Variants in TFDP1 observed in about 807,000 individuals in gnomAD.
The protein encoded by TFDP1 is transcription factor Dp-1, also known as DRTF1-polypeptide 1.
In TFDP1, 6 loss-of-function variants were observed where a neutral mutation model predicts 48.0. The ratio of observed to expected loss-of-function variants is 0.13; its 90% CI spans 0.07 to 0.25. The LOEUF is 0.25. Ranked by LOEUF, TFDP1 falls within the 10% of genes least tolerant of loss-of-function variation. TFDP1 has a pLI of 1.00. For synonymous variants in TFDP1, 201 were observed against 211.6 expected (o/e 0.95, Z 0.44); for missense variants, 335 against 543.0 (o/e 0.62, Z 3.81).
chr13:113,585,048 C>T (rs1329042524), intron 1 of TFDP1, among the ~76,000 whole-genome samples, 160 bp downstream of exon 1: 3 of 146,904 alleles, frequency 2.0e-5, no homozygotes, highest in South Asian at 4.1e-4. Flanking sequence ...CTCGGGGACC[C>T]CGCGCGCTCG....
At chr13:113,614,256 G>T (rs906015322) in intron 3 of TFDP1, among the ~76,000 whole-genome samples, 1 of 149,138 alleles carries the variant, frequency 6.7e-6, no homozygotes. Context: ...AGTTCTGATT[G>T]TGCGTGTGTG....
intron 7 of TFDP1, 193 bp downstream of exon 7, chr13:113,634,226 C>A (rs1437503946): frequency 1.3e-6 from 1 of 784,092 alleles, no homozygotes. Flanking sequence ...TGGCCCAGAC[C>A]CACTAGAGTC....
intron 2 of TFDP1, 23 bp from the exon 3 acceptor site, chr13:113,610,973 T>G: frequency 6.2e-7 from 1 of 1,611,704 alleles, no homozygotes; most frequent in Non-Finnish European, 8.5e-7. Flanking sequence ...TCATATTTAT[T>G]ATTGTTTTGT....
chr13:113,633,767 G>A lies in TFDP1; in HGVS notation c.475-123G>A. 1 of 1,187,404 alleles carries A rather than the reference G, an allele frequency of 8.4e-7. No homozygotes were observed. The highest frequency in any genetic ancestry group is 1.5e-5 in the South Asian group (1 of 68,196). The allele number at this position is 1,187,404 out of a possible 1,614,324, so 73.6% of individuals were successfully genotyped here. A position where few individuals can be genotyped will look rare whatever the true frequency, so the allele number is the denominator to read the frequency against. The stretch of plus-strand genomic sequence containing the variant: ...CTGTGGGGTGGGAGCGCTCCCTGAG[G>A]GCATGTTGGGGTGGCGGCTCCGTGA... On this transcript the variant is annotated intron_variant, in intron 6 of 11. Coordinates refer to ENST00000375370, the MANE Select transcript of TFDP1 (RefSeq NM_007111.5). This position sits in a 1 kb window ranked among gnomAD's most constrained non-coding sequence, Gnocchi z 4.5.
At chr13:113,617,825 A>G (rs371232948) in intron 3 of TFDP1, among the ~76,000 whole-genome samples, 2 of 152,260 alleles carry the variant, frequency 1.3e-5, no homozygotes. Context: ...AAAATACAAA[A>G]CTGTATGGTT....
intron 4 of TFDP1, among the ~76,000 whole-genome samples, chr13:113,624,108 C>T (rs1285894840): frequency 6.6e-6 from 1 of 152,106 alleles, no homozygotes; most frequent in Non-Finnish European, 1.5e-5. Flanking sequence ...GATGCTGTGG[C>T]CCCGCCTGGG....
rs1309533403 is a variant in TFDP1 at position 113,594,123 on chromosome 13, C to T, written c.12+8274C>T. Among the ~76,000 whole-genome samples, 20 of 130,354 alleles carry T rather than the reference C, an allele frequency of 1.5e-4. No individual in the cohort carries two copies. In the East Asian group the frequency reaches 3.5e-3, roughly 23 times the overall value. 85.5% of individuals were successfully genotyped at this position (130,354 alleles called of 152,430 possible). A position where few individuals can be genotyped will look rare whatever the true frequency, so the allele number is the denominator to read the frequency against. ...TGGTGTACGTGGGTCCTCAGCCCTG[C>T]CCAGGTGATAGGTGTGGTGTGCGCG... On this transcript the variant is annotated intron_variant, in intron 2 of 11. Transcript: ENST00000375370.
chr13:113,640,151 G>A lies in TFDP1; in HGVS notation c.1117G>A (p.Ala373Thr), dbSNP rs372494238. ...DLTNGADGML[A>T]TSSNGSQYSG... ...GACCAACGGTGCAGATGGGATGCTG[G>A]CCACAAGCTCCAATGGGTCTCAGTA... The change falls in exon 12 of 12, where the codon GCC becomes ACC. Residue 373 changes from alanine to threonine, a missense_variant. Around this residue, in one of 3 missense-constraint regions of TFDP1, gnomAD observed 204 missense variants for 287.1 expected, o/e 0.71. Coordinates refer to ENST00000375370, the MANE Select transcript of TFDP1 (RefSeq NM_007111.5). 6.2e-7 allele frequency: 1 copy of A among 1,611,598 alleles called. No homozygotes were observed. The highest frequency in any genetic ancestry group is 1.3e-5 in the African/African-American group (1 of 74,766).
chr13:113,596,047 A>G (rs1232676112), intron 2 of TFDP1, among the ~76,000 whole-genome samples: 2 of 152,038 alleles, frequency 1.3e-5, no homozygotes, highest in Non-Finnish European at 2.9e-5. Context: ...GCGCCGCTGC[A>G]CTCCCGCCTG....
At chr13:113,636,787 T>G in intron 10 of TFDP1, 87 bp downstream of exon 10, 1 of 1,467,132 alleles carries the variant, frequency 6.8e-7, no homozygotes, top group Admixed American at 2.2e-5. Flanking sequence ...GCTCGGGATG[T>G]GTCTTGCTGA....
At position 113,635,093 on chromosome 13, in the gene TFDP1, CAG is replaced by C. The variant is rs544939458; in HGVS notation, c.687+492_687+493del. ...AAGGCCTGTAAAACTGTGGTGGACA[CAG>C]TGCACCTGGGTCTTGACAGTGCTGA... On this transcript the variant is annotated intron_variant, in intron 8 of 11. Transcript: ENST00000375370. 1.8e-3 allele frequency among the ~76,000 whole-genome samples: 274 copies of C among 152,360 alleles called. 1 individual carries two copies. The highest frequency in any genetic ancestry group is 6.3e-3 in the African/African-American group (262 of 41,584).
At chr13:113,601,873 G>A (rs538302938) in intron 2 of TFDP1, among the ~76,000 whole-genome samples, 9 of 150,734 alleles carry the variant, frequency 6.0e-5, no homozygotes, top group South Asian at 2.1e-4. Flanking sequence ...AGGGAGGAGC[G>A]GAGAGAGCTA....
chr13:113,631,648 C>A lies in TFDP1; in HGVS notation c.212C>A (p.Ala71Glu), dbSNP rs761311757. 5.6e-6 allele frequency: 9 copies of A among 1,614,110 alleles called. No homozygotes were observed. Among genetic ancestry groups the A allele is most frequent in the Non-Finnish European group, 7.6e-6 (9 of 1,179,988 alleles). Reference sequence around the variant, plus strand: ...GTAATTGGTACGCCTCAGAGACCGGCAGCGTCAAACACCCTGGTGGTAGGA... The same window carrying A: ...GTAATTGGTACGCCTCAGAGACCGGAAGCGTCAAACACCCTGGTGGTAGGA... Reference protein sequence around the residue: ...QVVIGTPQRPAASNTLVVGSP... With the variant: ...QVVIGTPQRPEASNTLVVGSP... Residue 71 changes from alanine (A) to glutamate (E), a missense_variant, in exon 5 of 12, where the codon GCA becomes GAA. Ala to Glu is a moderately radical substitution (Grantham distance 107). Around this residue, in one of 3 missense-constraint regions of TFDP1, gnomAD observed 103 missense variants for 140.4 expected, o/e 0.73. Coordinates refer to ENST00000375370, the MANE Select transcript of TFDP1 (RefSeq NM_007111.5).
chr13:113,616,675 A>G lies in TFDP1; in HGVS notation c.79+5613A>G, dbSNP rs74116262. Among the ~76,000 whole-genome samples, 308 of 152,272 alleles carry G rather than the reference A, an allele frequency of 2.0e-3. 2 individuals are homozygous for G. Among genetic ancestry groups the G allele is most frequent in the African/African-American group, 7.1e-3 (294 of 41,550 alleles). Reference sequence around the variant, plus strand: ...TCTAAGTGGAGGAGGAAATTTAGCAATGATGTGTGGTCAGAAGCTTAGTGT... The same window carrying G: ...TCTAAGTGGAGGAGGAAATTTAGCAGTGATGTGTGGTCAGAAGCTTAGTGT... On this transcript the variant is annotated intron_variant, in intron 3 of 11. Transcript: ENST00000375370.
chr13:113,592,007 C>A lies in TFDP1; in HGVS notation c.12+6158C>A, dbSNP rs4150696. ...TGAGATTCCCGCAGCATCCCGACTC[C>A]GCTTCAGGGCTCCTGTGAGGACAGG... On this transcript the variant is annotated intron_variant, in intron 2 of 11. Coordinates refer to ENST00000375370, the MANE Select transcript of TFDP1 (RefSeq NM_007111.5). Among the ~76,000 whole-genome samples, 604 of 152,342 alleles carry A rather than the reference C, an allele frequency of 4.0e-3. 7 individuals carry two copies. The highest frequency in any genetic ancestry group is 0.014 in the African/African-American group (567 of 41,570).
intron 4 of TFDP1, among the ~76,000 whole-genome samples, chr13:113,630,570 CTTT>C (rs2049309068): frequency 6.6e-6 from 1 of 152,198 alleles, no homozygotes; most frequent in Admixed American, 6.5e-5. Context: ...GCTCCAATCC[CTTT>C]AACGGAAACT....
chr13:113,595,306 T>G (rs1289779679), intron 2 of TFDP1, among the ~76,000 whole-genome samples: 1 of 152,202 alleles, frequency 6.6e-6, no homozygotes, highest in Non-Finnish European at 1.5e-5. Flanking sequence ...CCCACCATAC[T>G]GGGTTTTGAT....
At chr13:113,625,391 C>T (rs112623984) in intron 4 of TFDP1, among the ~76,000 whole-genome samples, 62 of 62,022 alleles carry the variant, frequency 1.0e-3, no homozygotes, top group African/African-American at 2.1e-3. Context: ...TGTCCTCAGG[C>T]GTCTCACGTG....
rs533081623 is a variant in TFDP1 at position 113,610,550 on chromosome 13, T to C, written c.13-446T>C. ...ATCATACGTGCCCCTGCTTTGTGGC[T>C]GTGCCATCACACATGTGCCCCCGCT... On this transcript the variant is annotated intron_variant, in intron 2 of 11. Transcript: ENST00000375370. 2.3e-4 allele frequency among the ~76,000 whole-genome samples: 35 copies of C among 152,122 alleles called. 1 individual carries two copies. In the South Asian group the frequency reaches 5.8e-3, roughly 25 times the overall value.
Sources: gnomAD v4.1 joint callset for allele counts (sites outside exome capture counted in the v4.1 genomes callset) on GRCh38, gnomAD v4.1.1 for gene constraint, gnomAD v4.1.1 regional missense constraint, Gnocchi (gnomAD v3.1) non-coding constraint, MANE v1.5 for transcripts, NCBI Gene and HGNC (gene_info 2026-07-23, HGNC 2026-07-21) for gene names.